Variants in PRKCE observed in about 807,000 individuals in gnomAD.
PRKCE encodes protein kinase C epsilon type.
In PRKCE, 16 loss-of-function variants were observed where a neutral mutation model predicts 85.4. That is an observed-to-expected ratio of 0.19 (90% confidence interval 0.13 to 0.28). The LOEUF is 0.28. PRKCE is among the 10% of genes least tolerant of loss of function. The pLI, the probability that PRKCE is intolerant of heterozygous loss-of-function variation, is 1.00. For synonymous variants in PRKCE, 388 were observed against 371.5 expected (o/e 1.04, Z -0.51); for missense variants, 573 against 975.2 (o/e 0.59, Z 5.49).
At chr2:45,654,410 A>G (rs1448437183) in intron 1 of PRKCE, among the ~76,000 whole-genome samples, 1 of 152,236 alleles carries the variant, frequency 6.6e-6, no homozygotes, top group Non-Finnish European at 1.5e-5. Flanking sequence ...TCTAGTGCAC[A>G]GGCAAGTTTT....
chr2:45,729,674 C>G (rs1225748108), intron 1 of PRKCE, among the ~76,000 whole-genome samples: 1 of 152,204 alleles, frequency 6.6e-6, no homozygotes, highest in Admixed American at 6.5e-5. Flanking sequence ...AGGCTGTATC[C>G]TCCATGGGGG....
chr2:45,711,103 A>T (rs1241911973), intron 1 of PRKCE, among the ~76,000 whole-genome samples: 1 of 152,222 alleles, frequency 6.6e-6, no homozygotes, highest in Non-Finnish European at 1.5e-5. Flanking sequence ...CAGAGCACGA[A>T]CTTTGCAGTC....
intron 2 of PRKCE, among the ~76,000 whole-genome samples, chr2:45,925,782 G>C (rs1276301214): frequency 6.6e-6 from 1 of 152,234 alleles, no homozygotes; most frequent in Non-Finnish European, 1.5e-5. Flanking sequence ...CTGTGATGTT[G>C]ATGACAGAAG....
At position 45,764,029 on chromosome 2, in the gene PRKCE, A is replaced by T. The variant is rs148253686; in HGVS notation, c.349-78971A>T. Among the ~76,000 whole-genome samples the T allele has an allele frequency of 2.2e-3, 331 of 152,272 alleles. 1 individual carries two copies. The highest frequency in any genetic ancestry group is 3.8e-3 in the Non-Finnish European group (259 of 68,014). ...TTTTTAGTATCAACCACAGAATCTC[A>T]AAACTAGAAGGATCTTTTGATGTCC... On this transcript the variant is annotated intron_variant, in intron 1 of 14. Transcript: ENST00000306156.
At chr2:45,735,302 T>TCAGAGAC (rs1204914442) in intron 1 of PRKCE, among the ~76,000 whole-genome samples, 1 of 152,268 alleles carries the variant, frequency 6.6e-6, no homozygotes, top group Non-Finnish European at 1.5e-5. Context: ...CTCAGAGTCC[T>TCAGAGAC]CAGAGACTAT....
intron 1 of PRKCE, among the ~76,000 whole-genome samples, chr2:45,758,281 T>A (rs1001048997): frequency 2.0e-5 from 3 of 152,242 alleles, no homozygotes; most frequent in Admixed American, 2.0e-4. Context: ...ATTAAATGAA[T>A]TACTGCATGA....
chr2:46,121,667 T>C (rs1421042726), intron 11 of PRKCE, among the ~76,000 whole-genome samples: 2 of 152,210 alleles, frequency 1.3e-5, no homozygotes, highest in African/African-American at 4.8e-5. Context: ...CCAAATTCAA[T>C]GCAAAGATCA....
chr2:45,715,866 A>G (rs1680042935), intron 1 of PRKCE, among the ~76,000 whole-genome samples: 2 of 152,262 alleles, frequency 1.3e-5, no homozygotes, highest in South Asian at 4.1e-4. Flanking sequence ...CACAAAGCCT[A>G]TCTTGATTGC....
intron 1 of PRKCE, among the ~76,000 whole-genome samples, chr2:45,837,191 A>G (rs2345624): frequency 0.53 from 81,026 of 152,132 alleles, 22,435 homozygotes; most frequent in African/African-American, 0.68. Context: ...GGTTGTCAGA[A>G]CTCCTGCTGG....
intron 1 of PRKCE, among the ~76,000 whole-genome samples, chr2:45,767,225 G>A (rs1395344860): frequency 5.9e-5 from 9 of 152,150 alleles, no homozygotes; most frequent in African/African-American, 1.7e-4. Flanking sequence ...GGAGGGTAGA[G>A]AGGAATTAGC....
intron 1 of PRKCE, among the ~76,000 whole-genome samples, chr2:45,750,103 G>A (rs187529011): frequency 1.1e-4 from 17 of 152,284 alleles, no homozygotes; most frequent in Admixed American, 2.0e-4. Flanking sequence ...CAAAGGGTTG[G>A]TGCATCCTGT....
intron 12 of PRKCE, among the ~76,000 whole-genome samples, chr2:46,147,648 T>C (rs1676208476): frequency 6.6e-6 from 1 of 152,222 alleles, no homozygotes; most frequent in Non-Finnish European, 1.5e-5. Flanking sequence ...TTACAGCTGA[T>C]AAAGGTATTG....
At chr2:45,858,582 C>A (rs1442041939) in intron 2 of PRKCE, among the ~76,000 whole-genome samples, 1 of 152,166 alleles carries the variant, frequency 6.6e-6, no homozygotes, top group Non-Finnish European at 1.5e-5. Flanking sequence ...CCTGGGCACC[C>A]TTCACTGACT....
At chr2:46,144,914 G>A (rs1002560566) in intron 11 of PRKCE, among the ~76,000 whole-genome samples, 179 bp from the exon 12 acceptor site, 5 of 152,188 alleles carry the variant, frequency 3.3e-5, no homozygotes, top group African/African-American at 7.2e-5. Flanking sequence ...TGGAGGTGCC[G>A]TTAGGGGCTG....
chr2:46,163,143 G>A (rs2104600348), intron 14 of PRKCE, among the ~76,000 whole-genome samples: 2 of 152,362 alleles, frequency 1.3e-5, no homozygotes, highest in East Asian at 3.9e-4. Flanking sequence ...CAGCAGTGAG[G>A]ACAACTCTGT....
intron 2 of PRKCE, among the ~76,000 whole-genome samples, chr2:45,963,487 T>G (rs1043710771): frequency 1.1e-4 from 16 of 152,282 alleles, no homozygotes; most frequent in African/African-American, 3.9e-4. Context: ...TTTTGTGTTT[T>G]TACTAGAGAC....
chr2:45,918,596 T>C (rs927485589), intron 2 of PRKCE, among the ~76,000 whole-genome samples: 6 of 152,334 alleles, frequency 3.9e-5, no homozygotes, highest in Non-Finnish European at 8.8e-5. Context: ...CTATAGTTAC[T>C]TTAAAACCCG....
chr2:45,862,759 G>A (rs1192183394), intron 2 of PRKCE, among the ~76,000 whole-genome samples: 3 of 149,292 alleles, frequency 2.0e-5, no homozygotes, highest in African/African-American at 5.2e-5. Context: ...TGCTCCCCAA[G>A]GCTGTGTGTG....
At chr2:46,095,703 G>A (rs988537162) in intron 11 of PRKCE, among the ~76,000 whole-genome samples, 17 of 152,262 alleles carry the variant, frequency 1.1e-4, no homozygotes, top group South Asian at 1.0e-3. Flanking sequence ...CCACTCATCC[G>A]TTTACTTTCA....
Sources: allele counts gnomAD v4.1 joint callset (sites outside exome capture counted in the v4.1 genomes callset), GRCh38; gene constraint gnomAD v4.1.1; transcripts MANE v1.5; gene names NCBI Gene and HGNC (gene_info 2026-07-23, HGNC 2026-07-21).